GLUD1: variants seen among roughly 807,000 people sequenced by gnomAD.
GLUD1 encodes glutamate dehydrogenase 1.
A neutral mutation model predicts 56.0 loss-of-function variants in GLUD1; 22 were observed. The ratio of observed to expected loss-of-function variants is 0.39; its 90% CI spans 0.28 to 0.56. The LOEUF (loss-of-function observed/expected upper bound fraction) is 0.56, where lower values mean the gene tolerates loss of function less well. GLUD1 is among the 20% of genes least tolerant of loss of function. The pLI, the probability that GLUD1 is intolerant of heterozygous loss-of-function variation, is 0.58. For synonymous variants in GLUD1, 223 were observed against 269.9 expected, an observed-to-expected ratio of 0.83 and a Z score of 1.70; for missense variants, 451 against 732.0, an observed-to-expected ratio of 0.62 and a Z score of 4.43.
At chr10:87,057,923 TA>T in intron 10 of GLUD1, 141 bp from the exon 11 acceptor site, 1 of 638,532 alleles carries the variant, frequency 1.6e-6, no homozygotes, top group Non-Finnish European at 2.8e-6. Flanking sequence ...GGCTGGAGTG[TA>T]GAGGCGTGAT....
At position 87,067,848 on chromosome 10, in the gene GLUD1, C is replaced by A; in HGVS notation, c.741+215G>T. 5.8e-6 allele frequency: 3 copies of A among 520,484 alleles called. No individual in the cohort carries two copies. The South Asian group carries it at 5.8e-5, about 10-fold the overall frequency. The allele number at this position is 520,484 out of a possible 1,614,324, so 32.2% of individuals were successfully genotyped here. Reference sequence around the variant, plus strand: ...CACAGTGGGCTGCCCTGGTCCTGTTCCAGTGACAAGTATAGGGCAGCATAT... The same window carrying A: ...CACAGTGGGCTGCCCTGGTCCTGTTACAGTGACAAGTATAGGGCAGCATAT... On this transcript the variant is annotated intron_variant, in intron 5 of 12. Transcript: ENST00000277865.
chr10:87,069,977 G>A (rs1846187217), intron 4 of GLUD1, among the ~76,000 whole-genome samples: 1 of 152,232 alleles, frequency 6.6e-6, no homozygotes, highest in Non-Finnish European at 1.5e-5. Context: ...GCGCTCTCCA[G>A]CTCCTATTTG....
At chr10:87,072,339 C>T (rs1281638153) in intron 4 of GLUD1, among the ~76,000 whole-genome samples, 1 of 152,202 alleles carries the variant, frequency 6.6e-6, no homozygotes, top group Non-Finnish European at 1.5e-5. Context: ...AAATCCCAGC[C>T]TCTTTTTTTC....
At chr10:87,063,342 GA>G (rs1038586925) in intron 5 of GLUD1, among the ~76,000 whole-genome samples, 81 of 152,296 alleles carry the variant, frequency 5.3e-4, no homozygotes, top group African/African-American at 1.7e-3. Flanking sequence ...CAAAGTGCTA[GA>G]ATTACAAGCG....
rs1475827549 is a variant in GLUD1 at position 87,094,657 on chromosome 10, G to A, written c.113C>T (p.Ala38Val). ...TGCCAGCCCCGGCTGCGGGGCGGCG[G>A]CGGGCTGTCCCCGGGCCCAGCCCAG... Reference protein sequence around the residue: ...ALLGWARGQPAAAPQPGLALA... With the variant: ...ALLGWARGQPVAAPQPGLALA... Residue 38 changes from alanine (A) to valine (V), a missense_variant, in exon 1 of 13, where the codon GCC (alanine) becomes GTC (valine). This residue lies in a region of GLUD1 where 158 missense variants were observed against 189.7 expected (regional missense o/e 0.83). Transcript: ENST00000277865. The surrounding 1 kb of genome is among the most constrained non-coding windows in gnomAD (Gnocchi z 6.6). 6.3e-7 allele frequency: 1 copy of A among 1,590,018 alleles called. No individual in the cohort carries two copies. The highest frequency in any genetic ancestry group is 8.6e-7 in the Non-Finnish European group (1 of 1,169,026).
At position 87,068,149 on chromosome 10, in the gene GLUD1, T is replaced by C. The variant is rs760068615; in HGVS notation, c.655A>G (p.Ile219Val). 6 of 1,608,768 alleles carry C rather than the reference T, an allele frequency of 3.7e-6. No individual in the cohort carries two copies. Among genetic ancestry groups the C allele is most frequent in the East Asian group, 2.2e-5 (1 of 44,842 alleles). ...LAKKGFIGPG[I>V]DVPAPDMSTG... is the part of the protein sequence containing the mutation. ...CTCATGTCTGGAGCAGGCACATCAA[T>C]GCCAGGACCTGCGGGGGCACAGGGA... Residue 219 changes from isoleucine (I) to valine (V), a missense_variant, in exon 5 of 13, where the codon ATT becomes GTT. This residue lies in a region of GLUD1 where 248 missense variants were observed against 460.0 expected (regional missense o/e 0.54). Coordinates refer to ENST00000277865, the MANE Select transcript of GLUD1 (RefSeq NM_005271.5).
At chr10:87,070,524 G>C (rs1400881357) in intron 4 of GLUD1, among the ~76,000 whole-genome samples, 1 of 152,122 alleles carries the variant, frequency 6.6e-6, no homozygotes, top group East Asian at 1.9e-4. Context: ...GCTTGAACCA[G>C]GGAGGCAGAC....
intron 4 of GLUD1, among the ~76,000 whole-genome samples, chr10:87,069,251 G>A (rs1017784518): frequency 1.1e-4 from 16 of 151,928 alleles, no homozygotes; most frequent in African/African-American, 3.1e-4. Flanking sequence ...GCACAGTGGC[G>A]CATGCCTGTA....
intron 4 of GLUD1, among the ~76,000 whole-genome samples, chr10:87,073,070 G>T (rs1245503751): frequency 6.6e-6 from 1 of 152,132 alleles, no homozygotes; most frequent in Non-Finnish European, 1.5e-5. Context: ...TATACTTACT[G>T]TATTTCTATA....
chr10:87,081,311 C>A (rs1285179653), intron 1 of GLUD1, among the ~76,000 whole-genome samples: 1 of 144,436 alleles, frequency 6.9e-6, no homozygotes, highest in Non-Finnish European at 1.5e-5. Context: ...CCACCCCGTC[C>A]GGGAGGGAGG....
intron 1 of GLUD1, among the ~76,000 whole-genome samples, chr10:87,091,213 G>T (rs1841503257): frequency 6.8e-6 from 1 of 146,108 alleles, no homozygotes; most frequent in African/African-American, 2.6e-5. Context: ...CAGTGATAGG[G>T]AATTTTAATA....
intron 1 of GLUD1, among the ~76,000 whole-genome samples, chr10:87,091,815 A>T (rs1841515735): frequency 6.6e-6 from 1 of 152,146 alleles, no homozygotes; most frequent in African/African-American, 2.4e-5. Context: ...AAAATGAGAT[A>T]CAGAAAGCTG....
chr10:87,063,727 G>A (rs1238544668), intron 5 of GLUD1, among the ~76,000 whole-genome samples: 1 of 152,226 alleles, frequency 6.6e-6, no homozygotes, highest in Non-Finnish European at 1.5e-5. Context: ...GTAGAGTAAC[G>A]AAAGTATTTA....
intron 1 of GLUD1, among the ~76,000 whole-genome samples, chr10:87,082,044 C>T (rs1032694634): frequency 6.6e-6 from 1 of 151,500 alleles, no homozygotes; most frequent in Admixed American, 6.6e-5. Context: ...TGGAAGTCAT[C>T]ACCACATTAT....
intron 10 of GLUD1, among the ~76,000 whole-genome samples, chr10:87,058,910 G>A (rs2133791625): frequency 6.6e-6 from 1 of 152,150 alleles, no homozygotes; most frequent in Non-Finnish European, 1.5e-5. Context: ...AAAAAAAAAT[G>A]TAGATTATAT....
intron 8 of GLUD1, 56 bp from the exon 9 acceptor site, chr10:87,060,297 A>G: frequency 1.8e-6 from 2 of 1,115,952 alleles, no homozygotes; most frequent in South Asian, 1.2e-5. Flanking sequence ...AATCCCCTCC[A>G]CTGAGGGCAA....
At chr10:87,080,129 G>T (rs1284822518) in intron 1 of GLUD1, among the ~76,000 whole-genome samples, 1 of 151,882 alleles carries the variant, frequency 6.6e-6, no homozygotes, top group African/African-American at 2.4e-5. Flanking sequence ...TGGTGGAGAC[G>T]GGATTTCGCT....
intron 1 of GLUD1, among the ~76,000 whole-genome samples, chr10:87,081,046 C>T (rs1278262675): frequency 1.5e-5 from 2 of 135,818 alleles, no homozygotes; most frequent in African/African-American, 5.3e-5. Flanking sequence ...CCCGGCCAGC[C>T]GCCCCGTCCG....
intron 1 of GLUD1, among the ~76,000 whole-genome samples, chr10:87,093,713 C>T (rs1841605310): frequency 6.6e-6 from 1 of 151,792 alleles, no homozygotes; most frequent in Admixed American, 6.6e-5. Flanking sequence ...TGTGTTTTTC[C>T]TTTTTTTTGG....
Sources: gnomAD v4.1 joint callset for allele counts (sites outside exome capture counted in the v4.1 genomes callset) on GRCh38, gnomAD v4.1.1 for gene constraint, gnomAD v4.1.1 regional missense constraint, Gnocchi (gnomAD v3.1) non-coding constraint, MANE v1.5 for transcripts, NCBI Gene and HGNC (gene_info 2026-07-23, HGNC 2026-07-21) for gene names.